Variants in TRIM64C observed in about 807,000 individuals in gnomAD.
TRIM64C encodes the protein tripartite motif containing 64C, also known as tripartite motif-containing protein 64C.
Under a neutral mutation model 36.1 loss-of-function variants are expected in TRIM64C, and 25 were observed. That is an observed-to-expected ratio of 0.69 (90% CI 0.51 to 0.97). The LOEUF is 0.97. Among genes scored for constraint, TRIM64C ranks in the 50% least tolerant of loss-of-function variants. TRIM64C has a pLI of 0.00. For synonymous variants in TRIM64C, 212 were observed against 185.7 expected (o/e 1.14, Z -1.15); for missense variants, 489 against 536.8 (o/e 0.91, Z 0.88).
chr11:49,058,726 T>A lies in TRIM64C; in HGVS notation c.387A>T (p.Gly129=), dbSNP rs761293767. The A allele has an allele frequency of 1.3e-6, 2 of 1,546,974 alleles. No homozygotes were observed. The highest frequency in any genetic ancestry group is 2.0e-5 in the Admixed American group (1 of 50,936). Residue 129 remains glycine, a synonymous_variant, in exon 1 of 6, where the codon GGA becomes GGT. Coordinates refer to ENST00000617704, the MANE Select transcript of TRIM64C (RefSeq NM_001206631.1). ...GTACCCTGCATTCCTCAGCAGCCCATCCTATTGGGCTGTGGCTGTGAGCCA... is the reference window on the plus strand; with the variant it reads ...GTACCCTGCATTCCTCAGCAGCCCAACCTATTGGGCTGTGGCTGTGAGCCA... ...EHMAHSHSPI[G]WAAEECRVQK... is the part of the protein sequence containing the mutation.
chr11:49,054,169 T>C lies in TRIM64C; in HGVS notation c.898A>G (p.Ile300Val), dbSNP rs1854785323. The C allele has an allele frequency of 1.5e-5, 23 of 1,551,424 alleles. No individual in the cohort carries two copies. The highest frequency in any genetic ancestry group is 2.4e-5 in the East Asian group (1 of 40,932). Residue 300 changes from isoleucine (I) to valine (V), a missense_variant, in exon 6 of 6, where the codon ATA becomes GTA. Physicochemically the swap from Ile to Val is conservative, Grantham distance 29. Coordinates refer to ENST00000617704, the MANE Select transcript of TRIM64C (RefSeq NM_001206631.1). ...CGTCTCACATCCTCAGAAAGGCTTA[T>C]ATAGCAAGGAGTCATTTCTGTACTC... ...ALSTEMTPCY[I>V]SLSEDVRRVI...
chr11:49,057,083 G>T (rs969366678), intron 3 of TRIM64C, 65 bp downstream of exon 3: 5 of 1,529,758 alleles, frequency 3.3e-6, no homozygotes, highest in Admixed American at 3.9e-5. Context: ...GATGACATTT[G>T]CATGTCCTGG....
At chr11:49,056,279 G>C in intron 4 of TRIM64C, 80 bp downstream of exon 4, 1 of 1,074,722 alleles carries the variant, frequency 9.3e-7, no homozygotes, top group Non-Finnish European at 1.4e-6. Context: ...AATGATGTTA[G>C]TACTCAAAAT....
intron 2 of TRIM64C, chr11:49,057,799 G>A: frequency 2.0e-6 from 1 of 512,666 alleles, no homozygotes; most frequent in Non-Finnish European, 3.7e-6. Context: ...CCCAGTCTTA[G>A]TGAAAGGTTG....
At chr11:49,057,713 C>G (rs1002273871) in intron 2 of TRIM64C, 3 of 469,004 alleles carry the variant, frequency 6.4e-6, no homozygotes, top group Non-Finnish European at 1.2e-5. Flanking sequence ...AGCCATGCAC[C>G]ATATTATGCA....
chr11:49,053,970 G>A lies in TRIM64C; in HGVS notation c.1097C>T (p.Thr366Ile). Residue 366 changes from threonine (T) to isoleucine (I), a missense_variant, in exon 6 of 6, where the codon ACC (threonine) becomes ATC (isoleucine). Transcript: ENST00000617704. ...TTTGTCAGAATCAATAACTATATTG[G>A]TATCTGCTGTCCTAGAATCTCGACA... is the stretch of plus-strand genomic sequence containing the variant. ...GVCRDSRTAD[T>I]NIVIDSDKTF... 1.9e-6 allele frequency: 3 copies of A among 1,551,578 alleles called. No homozygotes were observed. Among genetic ancestry groups the A allele is most frequent in the Non-Finnish European group, 2.6e-6 (3 of 1,146,850 alleles).
chr11:49,054,288 T>C (rs756323070), intron 5 of TRIM64C, 81 bp from the exon 6 acceptor site: 82 of 1,453,228 alleles, frequency 5.6e-5, no homozygotes, highest in Non-Finnish European at 6.9e-5. Flanking sequence ...TCATTTGCTC[T>C]TCTTCCAAGG....
intron 3 of TRIM64C, 116 bp from the exon 4 acceptor site, chr11:49,056,497 C>T: frequency 4.6e-6 from 4 of 861,110 alleles, no homozygotes; most frequent in Non-Finnish European, 7.4e-6. Flanking sequence ...TTTTTATTCC[C>T]CTCTAAGGAA....
rs1854776891 is a variant in TRIM64C at position 49,053,842 on chromosome 11, C to G, written c.1225G>C (p.Val409Leu). ...GATCCATTATCATAATCCAGAAACA[C>G]CCCAACCCAACCCAGAGGCCTTTGC... ...YVQRPLGWVG[V>L]FLDYDNGSVS... is the part of the protein sequence containing the mutation. Residue 409 changes from valine (V) to leucine (L), a missense_variant, in exon 6 of 6, where the codon GTG becomes CTG. Transcript: ENST00000617704. The G allele has an allele frequency of 1.3e-6, 2 of 1,551,616 alleles. No individual in the cohort carries two copies. Among genetic ancestry groups the G allele is most frequent in the Admixed American group, 2.0e-5 (1 of 50,984 alleles).
chr11:49,058,576 G>A (rs183298331), intron 1 of TRIM64C, 125 bp downstream of exon 1: 4 of 1,478,824 alleles, frequency 2.7e-6, no homozygotes, highest in African/African-American at 2.8e-5. Flanking sequence ...ACACATTTAT[G>A]TGTTATGATT....
intron 2 of TRIM64C, chr11:49,057,642 C>T (rs1854829087): frequency 1.9e-6 from 1 of 515,914 alleles, no homozygotes; most frequent in Non-Finnish European, 3.4e-6. Flanking sequence ...ATTATTTCCT[C>T]TATTAATCTC....
chr11:49,055,410 G>GAAAA lies in TRIM64C; in HGVS notation c.762-4_762-3insTTTT. On this transcript the variant is annotated splice_region_variant and splice_polypyrimidine_tract_variant and intron_variant, in intron 4 of 5. Transcript: ENST00000617704. ...TTGGCATCTGTGCCAAATCAGTTCT[G>GAAAA]CAAAAAAAAAATGGCCTCAGTTATA... 7.3e-7 allele frequency: 1 copy of GAAAA among 1,369,916 alleles called. No individual in the cohort carries two copies. Among genetic ancestry groups the GAAAA allele is most frequent in the Admixed American group, 2.9e-5 (1 of 34,170 alleles). 84.9% of individuals were successfully genotyped at this position (1,369,916 alleles called of 1,614,324 possible).
chr11:49,054,223 T>G lies in TRIM64C; in HGVS notation c.860-16A>C. On this transcript the variant is annotated splice_polypyrimidine_tract_variant and intron_variant, in intron 5 of 5. Coordinates refer to ENST00000617704, the MANE Select transcript of TRIM64C (RefSeq NM_001206631.1). ...GCATTATCCACTGACAAGGAAAAAA[T>G]ATTATATTAGTGAGTGCTATGAGGG... is the stretch of plus-strand genomic sequence containing the variant. The G allele has an allele frequency of 2.6e-6, 4 of 1,548,716 alleles. No homozygotes were observed. Among genetic ancestry groups the G allele is most frequent in the Middle Eastern group, 1.7e-4 (1 of 5,962 alleles).
At position 49,058,108 on chromosome 11, in the gene TRIM64C, A is replaced by G. The variant is rs1299747304; in HGVS notation, c.477T>C (p.Asn159=). ...KINQETQNNL[N]QETSKFCSLV... Reference sequence around the variant, plus strand: ...ATGAACAAAATTTGCTAGTTTCCTGATTTAGATTGTTTTGTGTCTCTTGAT... The same window carrying G: ...ATGAACAAAATTTGCTAGTTTCCTGGTTTAGATTGTTTTGTGTCTCTTGAT... The change falls in exon 2 of 6, where the codon AAT becomes AAC. Residue 159 remains asparagine (N), a synonymous_variant. Coordinates refer to ENST00000617704, the MANE Select transcript of TRIM64C (RefSeq NM_001206631.1). 6.5e-7 allele frequency: 1 copy of G among 1,528,166 alleles called. No individual in the cohort carries two copies. Among genetic ancestry groups the G allele is most frequent in the Admixed American group, 2.0e-5 (1 of 49,610 alleles). 94.7% of individuals were successfully genotyped at this position (1,528,166 alleles called of 1,614,324 possible). A position where few individuals can be genotyped will look rare whatever the true frequency, so the allele number is the denominator to read the frequency against.
chr11:49,055,858 G>C (rs1334270339), intron 4 of TRIM64C, among the ~76,000 whole-genome samples: 1 of 152,122 alleles, frequency 6.6e-6, no homozygotes, highest in Non-Finnish European at 1.5e-5. Context: ...TCTAATTCCA[G>C]CCTGAGAACC....
rs1487256295 is a variant in TRIM64C at position 49,056,348 on chromosome 11, T to G, written c.761+11A>C. Reference sequence around the variant, plus strand: ...TTTTCAGAAATAGCATTTTTTTTAGTGTAAACTCACCTTGCCGATATATTT... The same window carrying G: ...TTTTCAGAAATAGCATTTTTTTTAGGGTAAACTCACCTTGCCGATATATTT... On this transcript the variant is annotated intron_variant, in intron 4 of 5. Transcript: ENST00000617704. 3 of 1,538,982 alleles carry G rather than the reference T, an allele frequency of 1.9e-6. No homozygotes were observed. Among genetic ancestry groups the G allele is most frequent in the South Asian group, 2.4e-5 (2 of 83,106 alleles).
In TRIM64C at chr11:49,057,287, G is replaced by A; in HGVS notation, c.599C>T (p.Ala200Val). The change falls in exon 3 of 6, where the codon GCA becomes GTA. Residue 200 changes from alanine to valine, a missense_variant. Coordinates refer to ENST00000617704, the MANE Select transcript of TRIM64C (RefSeq NM_001206631.1). ...LDEEEQRHLQ[A>V]LEREAKELFQ... ...AAGCTCTTTTGCTTCTCTTTCCAGT[G>A]CCTGCAGATGCCGTTGCTCCTCCTC... 1 of 1,549,690 alleles carries A rather than the reference G, an allele frequency of 6.5e-7. No homozygotes were observed. The highest frequency in any genetic ancestry group is 8.7e-7 in the Non-Finnish European group (1 of 1,146,942).
rs569502286 is a variant in TRIM64C, at chr11:49,058,989, AG to A, written c.123del (p.Cys42AlafsTer35). 107 of 1,551,402 alleles carry A rather than the reference AG, an allele frequency of 6.9e-5. 2 individuals carry two copies. In the African/African-American group the frequency reaches 1.3e-3, roughly 19 times the overall value. ...ATTGGTGCTCTGCCTTCTTCTGAGCAGAGGCAGAGGCAGGGCCTGCAAAAGC... is the reference window on the plus strand; with the variant it reads ...ATTGGTGCTCTGCCTTCTTCTGAGCAAGGCAGAGGCAGGGCCTGCAAAAGC... ...VHSFCRPCLCLCSEEGRAPMR... is the reference protein window; with the variant it reads ...VHSFCRPCLCXCSEEGRAPMR... On this transcript the variant is annotated frameshift_variant, in exon 1 of 6. Coordinates refer to ENST00000617704, the MANE Select transcript of TRIM64C (RefSeq NM_001206631.1). LOFTEE classifies it high-confidence loss of function.
At chr11:49,055,247 C>G in intron 5 of TRIM64C, 63 bp downstream of exon 5, 1 of 1,531,026 alleles carries the variant, frequency 6.5e-7, no homozygotes, top group Non-Finnish European at 8.7e-7. Flanking sequence ...TGGGAGAAGC[C>G]TCAACCAAGG....
Sources: gnomAD v4.1 joint callset for allele counts (sites outside exome capture counted in the v4.1 genomes callset) on GRCh38, gnomAD v4.1.1 for gene constraint, MANE v1.5 for transcripts, NCBI Gene and HGNC (gene_info 2026-07-23, HGNC 2026-07-21) for gene names.